The following ADGRV1 variants were observed in gnomAD, a reference collection of about 807,000 sequenced individuals.
ADGRV1 encodes the protein adhesion G protein-coupled receptor V1.
In ADGRV1, 359 loss-of-function variants were observed where a neutral mutation model predicts 596.2. The observed-to-expected ratio is 0.60, with a 90% confidence interval of 0.55 to 0.66. The LOEUF is 0.66. Among genes scored for constraint, ADGRV1 ranks in the 30% least tolerant of loss-of-function variants. The pLI is 0.00. For missense variants in ADGRV1, 7,274 were observed against 7,575.6 expected, an observed-to-expected ratio of 0.96 and a Z score of 1.48; for synonymous variants, 2,681 against 2,679.2, an observed-to-expected ratio of 1.00 and a Z score of -0.02.
intron 79 of ADGRV1, among the ~76,000 whole-genome samples, chr5:90,850,366 G>C (rs1445908543): frequency 2.0e-5 from 3 of 152,072 alleles, no homozygotes; most frequent in African/African-American, 7.2e-5. Flanking sequence ...CTTTTGAAAG[G>C]ATTCTCCAAT....
intron 78 of ADGRV1, among the ~76,000 whole-genome samples, chr5:90,842,103 G>C (rs1212968138): frequency 2.6e-5 from 4 of 152,116 alleles, no homozygotes; most frequent in African/African-American, 9.7e-5. Context: ...GAAGGAAACA[G>C]GACCTCACTT....
chr5:91,083,944 GT>G (rs900136176), intron 86 of ADGRV1, among the ~76,000 whole-genome samples: 34 of 152,048 alleles, frequency 2.2e-4, no homozygotes, highest in African/African-American at 8.0e-4. Flanking sequence ...AATAAATATT[GT>G]TTTACAAAAT....
chr5:90,629,218 C>G lies in ADGRV1; in HGVS notation c.1518C>G (p.Phe506Leu), dbSNP rs769367037. The G allele has an allele frequency of 6.5e-7, 1 of 1,535,386 alleles. No homozygotes were observed. The highest frequency in any genetic ancestry group is 1.3e-5 in the South Asian group (1 of 74,730). ...TTATTCCTTTACTTCAGCTTTTGTT[C>G]TACATTCAGGATAGTGATGATGTCT... ...AEVSEPAELL[F>L]YIQDSDDVYG... The change falls in exon 9 of 90, where the codon TTC becomes TTG. Residue 506 changes from phenylalanine to leucine, a missense_variant. By Grantham distance (22) the Phe-to-Leu change is conservative. Coordinates refer to ENST00000405460, the MANE Select transcript of ADGRV1 (RefSeq NM_032119.4).
At chr5:91,038,544 T>A (rs183246237) in intron 85 of ADGRV1, among the ~76,000 whole-genome samples, 138 of 152,312 alleles carry the variant, frequency 9.1e-4, no homozygotes, top group African/African-American at 3.2e-3. Context: ...TTGTCAGACC[T>A]GGGTGATTGA....
At chr5:91,005,083 G>A (rs78248625) in intron 85 of ADGRV1, among the ~76,000 whole-genome samples, 1,661 of 152,110 alleles carry the variant, frequency 0.011, 30 homozygotes, top group African/African-American at 0.038. Context: ...AATTTAAGTG[G>A]ATATTTTGTA....
intron 76 of ADGRV1, among the ~76,000 whole-genome samples, chr5:90,824,437 A>G (rs1763896613): frequency 6.6e-6 from 1 of 152,250 alleles, no homozygotes; most frequent in African/African-American, 2.4e-5. Context: ...TGATGCAGGC[A>G]AATGTGTTGC....
At chr5:90,694,860 A>G (rs538855067) in intron 33 of ADGRV1, among the ~76,000 whole-genome samples, 159 bp downstream of exon 33, 10 of 152,314 alleles carry the variant, frequency 6.6e-5, no homozygotes, top group Non-Finnish European at 8.8e-5. Flanking sequence ...TGGCTTGTTA[A>G]TGGTTGACAT....
At chr5:90,896,587 A>C (rs1487840152) in intron 83 of ADGRV1, among the ~76,000 whole-genome samples, 1 of 151,938 alleles carries the variant, frequency 6.6e-6, no homozygotes, top group Non-Finnish European at 1.5e-5. Flanking sequence ...TTTGTTATGT[A>C]TTATGTAAGA....
At chr5:90,843,797 C>T (rs373242412) in intron 78 of ADGRV1, among the ~76,000 whole-genome samples, 3 of 151,980 alleles carry the variant, frequency 2.0e-5, no homozygotes, top group Non-Finnish European at 2.9e-5. Context: ...CTTCTTATAA[C>T]GATAAAAACT....
chr5:90,873,805 G>GAA (rs4019420), intron 83 of ADGRV1, among the ~76,000 whole-genome samples: 85,238 of 147,316 alleles, frequency 0.58, 24,891 homozygotes, highest in East Asian at 0.81. Flanking sequence ...AAAAAGAAAG[G>GAA]AAAAAAAAAA....
At chr5:90,887,600 T>G (rs973982996) in intron 83 of ADGRV1, among the ~76,000 whole-genome samples, 3 of 152,220 alleles carry the variant, frequency 2.0e-5, no homozygotes, top group African/African-American at 7.2e-5. Flanking sequence ...TATTAAAGTT[T>G]TATTTGTTTG....
chr5:90,647,434 G>A, intron 16 of ADGRV1, 64 bp from the exon 17 acceptor site: 2 of 1,519,318 alleles, frequency 1.3e-6, no homozygotes, highest in South Asian at 2.6e-5. Flanking sequence ...GAAGCACAAT[G>A]TGATCTGAAA....
At chr5:90,727,628 G>A (rs1052310168) in intron 48 of ADGRV1, among the ~76,000 whole-genome samples, 1 of 152,142 alleles carries the variant, frequency 6.6e-6, no homozygotes, top group Non-Finnish European at 1.5e-5. Context: ...ACATAGGATA[G>A]CTATATTTCC....
rs369966731 is a variant in ADGRV1 at position 90,634,535 on chromosome 5, A to G, written c.1840-579A>G. The stretch of plus-strand genomic sequence containing the variant: ...GCATGAAGTTATAAATGGAGTTCTG[A>G]GTAGTCTTCTGATACTGGATTTTGT... On this transcript the variant is annotated intron_variant, in intron 9 of 89. Coordinates refer to ENST00000405460, the MANE Select transcript of ADGRV1 (RefSeq NM_032119.4). Among the ~76,000 whole-genome samples, 56 of 152,336 alleles carry G rather than the reference A, an allele frequency of 3.7e-4. No homozygotes were observed. The South Asian group carries it at 0.011, about 30-fold the overall frequency.
At chr5:90,644,012 T>A (rs1204178778) in intron 14 of ADGRV1, 29 bp downstream of exon 14, 6 of 1,360,558 alleles carry the variant, frequency 4.4e-6, no homozygotes, top group Non-Finnish European at 5.9e-6. Context: ...TATATTGTAT[T>A]TCTGTTTACT....
At chr5:90,595,044 C>T (rs1374226524) in intron 1 of ADGRV1, among the ~76,000 whole-genome samples, 1 of 144,128 alleles carries the variant, frequency 6.9e-6, no homozygotes, top group African/African-American at 2.7e-5. Flanking sequence ...GGGCTCCTCA[C>T]TTCCCAGTAG....
chr5:90,818,735 T>G (rs1763170183), intron 75 of ADGRV1, among the ~76,000 whole-genome samples: 9 of 150,838 alleles, frequency 6.0e-5, no homozygotes, highest in African/African-American at 1.7e-4. Context: ...TTGCGTATAT[T>G]GAACCAGCCT....
rs1488630234 is a variant in ADGRV1, at chr5:90,675,342, G to A, written c.5210G>A (p.Gly1737Glu). The change falls in exon 24 of 90, where the codon GGA (glycine) becomes GAA (glutamate). Residue 1737 changes from glycine to glutamate, a missense_variant. Gly to Glu is a moderately conservative substitution (Grantham distance 98). Coordinates refer to ENST00000405460, the MANE Select transcript of ADGRV1 (RefSeq NM_032119.4). ...CATATCACTGTGGAGGAGGAAGATG[G>A]AGAAATCAGGTTATTGGTCATCCGT... ...VPHITVEEEDGEIRLLVIRAQ... is the reference protein window; with the variant it reads ...VPHITVEEEDEEIRLLVIRAQ... 6.2e-7 allele frequency: 1 copy of A among 1,613,896 alleles called. No individual in the cohort carries two copies. Among genetic ancestry groups the A allele is most frequent in the Non-Finnish European group, 8.5e-7 (1 of 1,179,862 alleles).
intron 50 of ADGRV1, among the ~76,000 whole-genome samples, chr5:90,741,899 A>T (rs893595758): frequency 6.6e-6 from 1 of 152,184 alleles, no homozygotes; most frequent in Non-Finnish European, 1.5e-5. Context: ...TGGAGCTATA[A>T]CCATGAGGAT....
Sources: gnomAD v4.1 joint callset for allele counts (sites outside exome capture counted in the v4.1 genomes callset) on GRCh38, gnomAD v4.1.1 for gene constraint, MANE v1.5 for transcripts, NCBI Gene and HGNC (gene_info 2026-07-23, HGNC 2026-07-21) for gene names.